RCBTB2: variants seen among roughly 807,000 people sequenced by gnomAD.
The protein encoded by RCBTB2 is RCC1 and BTB domain containing protein 2.
A neutral mutation model predicts 65.4 loss-of-function variants in RCBTB2; 55 were observed. That is an observed-to-expected ratio of 0.84 (90% CI 0.68 to 1.05). The LOEUF is 1.05. Among genes scored for constraint, RCBTB2 ranks in the 50% least tolerant of loss-of-function variants. The probability of loss-of-function intolerance (pLI) is 0.00; values close to 1 mark genes in which losing one functional copy is unlikely to be tolerated. For missense variants in RCBTB2, 599 were observed against 680.1 expected, an observed-to-expected ratio of 0.88 and a Z score of 1.33; for synonymous variants, 220 against 255.2, an observed-to-expected ratio of 0.86 and a Z score of 1.31.
At chr13:48,493,675 C>T (rs1198789508) in intron 14 of RCBTB2, among the ~76,000 whole-genome samples, 1 of 152,028 alleles carries the variant, frequency 6.6e-6, no homozygotes, top group Non-Finnish European at 1.5e-5. Flanking sequence ...CTTGAGTCAC[C>T]TGCTCACTGA....
intron 12 of RCBTB2, among the ~76,000 whole-genome samples, chr13:48,500,116 T>C (rs1048641412): frequency 1.3e-5 from 2 of 152,226 alleles, no homozygotes; most frequent in Non-Finnish European, 2.9e-5. Context: ...GGTTGAATGA[T>C]GTCCTCTAAA....
At chr13:48,508,896 A>G (rs1286961423) in intron 10 of RCBTB2, among the ~76,000 whole-genome samples, 1 of 152,166 alleles carries the variant, frequency 6.6e-6, no homozygotes, top group Non-Finnish European at 1.5e-5. Flanking sequence ...TGAGAACCTG[A>G]ATCAGAAGCC....
At chr13:48,526,937 G>T (rs561607924) in intron 1 of RCBTB2, among the ~76,000 whole-genome samples, 1 of 152,048 alleles carries the variant, frequency 6.6e-6, no homozygotes, top group South Asian at 2.1e-4. Flanking sequence ...ATAATAAATA[G>T]ATTTTTTTTA....
chr13:48,518,841 C>T (rs943076086), intron 4 of RCBTB2, among the ~76,000 whole-genome samples: 4 of 152,124 alleles, frequency 2.6e-5, no homozygotes, highest in African/African-American at 4.8e-5. Flanking sequence ...AATTACCCCA[C>T]CACCCAATAT....
At position 48,501,725 on chromosome 13, in the gene RCBTB2, A is replaced by T; in HGVS notation, c.1244+17T>A. Reference sequence around the variant, plus strand: ...AACGAATTACTTTTCTCAATTCTCAAATAAATGATTCCTTACCGAATCTTG... The same window carrying T: ...AACGAATTACTTTTCTCAATTCTCATATAAATGATTCCTTACCGAATCTTG... On this transcript the variant is annotated intron_variant, in intron 12 of 14. Transcript: ENST00000344532. 1 of 1,601,686 alleles carries T rather than the reference A, an allele frequency of 6.2e-7. No homozygotes were observed. The highest frequency in any genetic ancestry group is 1.7e-5 in the Admixed American group (1 of 59,208).
At chr13:48,491,743 T>C (rs1227751411) in intron 14 of RCBTB2, 1 of 152,108 alleles carries the variant, frequency 6.6e-6, no homozygotes. Flanking sequence ...AATTGCTAAT[T>C]AATGGGAGAA....
intron 9 of RCBTB2, 133 bp downstream of exon 9, chr13:48,511,637 A>C (rs879824398): frequency 5.4e-5 from 40 of 740,020 alleles, no homozygotes; most frequent in Non-Finnish European, 7.5e-5. Flanking sequence ...AAAGAGACTT[A>C]ACCTTTACTT....
intron 1 of RCBTB2, 26 bp downstream of exon 1, chr13:48,533,002 C>T (rs1177958641): frequency 6.6e-6 from 3 of 455,504 alleles, no homozygotes; most frequent in East Asian, 7.0e-5. Flanking sequence ...CCCTCGGCCT[C>T]CCACACCACT....
chr13:48,521,883 T>G lies in RCBTB2; in HGVS notation c.42+15A>C, dbSNP rs377216181. The G allele has an allele frequency of 6.2e-7, 1 of 1,612,986 alleles. No homozygotes were observed. Among genetic ancestry groups the G allele is most frequent in the African/African-American group, 1.3e-5 (1 of 74,896 alleles). On this transcript the variant is annotated intron_variant, in intron 4 of 14. Coordinates refer to ENST00000344532, the MANE Select transcript of RCBTB2 (RefSeq NM_001268.4). ...ACAGAACACACATGCTCCAAGGGCA[T>G]GATTTTTTTCTAACCTTGCCACTGT...
chr13:48,524,438 C>T (rs1951596998), intron 2 of RCBTB2, among the ~76,000 whole-genome samples: 1 of 152,200 alleles, frequency 6.6e-6, no homozygotes, highest in Admixed American at 6.5e-5. Context: ...ACAGGTTAAT[C>T]ATTGCCTCCA....
At chr13:48,495,800 A>G (rs1949941281) in intron 14 of RCBTB2, among the ~76,000 whole-genome samples, 2 of 152,176 alleles carry the variant, frequency 1.3e-5, no homozygotes, top group African/African-American at 4.8e-5. Flanking sequence ...CTATTTATAG[A>G]GCCATTTGTT....
chr13:48,495,398 G>A (rs1487309900), intron 14 of RCBTB2, among the ~76,000 whole-genome samples: 1 of 131,598 alleles, frequency 7.6e-6, no homozygotes, highest in Non-Finnish European at 1.5e-5. Flanking sequence ...AATAAAAATA[G>A]GATAAGTTTT....
intron 13 of RCBTB2, among the ~76,000 whole-genome samples, chr13:48,499,142 ACTCTCTCTCTCT>A (rs568053175): frequency 3.5e-4 from 46 of 132,290 alleles, no homozygotes; most frequent in East Asian, 2.2e-4. Context: ...ACACACACAC[ACTCTCTCTCTCT>A]CTCTCTCTCT....
chr13:48,534,310 C>T (rs2138694338), upstream of RCBTB2, among the ~76,000 whole-genome samples: 1 of 152,290 alleles, frequency 6.6e-6, no homozygotes, highest in East Asian at 1.9e-4. Context: ...AAGCTCACTT[C>T]AGTGATGATA....
In RCBTB2 at chr13:48,490,057, C is replaced by T; in HGVS notation, c.*54G>A. On this transcript the variant is annotated 3_prime_UTR_variant, in exon 15 of 15. Transcript: ENST00000344532. ...TATTAATTAAAGAGAAGTGATTCAT[C>T]TCTGGCTTTTGCAGGGGAAATGGAA... 1.9e-6 allele frequency: 3 copies of T among 1,593,638 alleles called. No homozygotes were observed. Among genetic ancestry groups the T allele is most frequent in the South Asian group, 2.2e-5 (2 of 90,454 alleles).
Position 48,489,937 on chromosome 13 carries a change from C to T in RCBTB2, c.*174G>A. ...TGATCAGAACATTCAATGCTTTCTA[C>T]ATAAACTCTGGGTTTAGGCAGACAA... On this transcript the variant is annotated 3_prime_UTR_variant, in exon 15 of 15. Coordinates refer to ENST00000344532, the MANE Select transcript of RCBTB2 (RefSeq NM_001268.4). 1 of 682,558 alleles carries T rather than the reference C, an allele frequency of 1.5e-6. No individual in the cohort carries two copies. The highest frequency in any genetic ancestry group is 2.8e-5 in the Admixed American group (1 of 35,398). The allele number at this position is 682,558 out of a possible 1,614,324, so 42.3% of individuals were successfully genotyped here. A position where few individuals can be genotyped will look rare whatever the true frequency, so the allele number is the denominator to read the frequency against.
intron 1 of RCBTB2, among the ~76,000 whole-genome samples, chr13:48,528,110 G>A (rs1300205164): frequency 6.6e-6 from 1 of 152,174 alleles, no homozygotes; most frequent in Non-Finnish European, 1.5e-5. Context: ...AGTAGGCACT[G>A]AATTGAAAGC....
At chr13:48,500,373 T>C (rs973396296) in intron 12 of RCBTB2, among the ~76,000 whole-genome samples, 1 of 151,912 alleles carries the variant, frequency 6.6e-6, no homozygotes, top group Admixed American at 6.6e-5. Flanking sequence ...GCCTGGCCAA[T>C]ATGGTGAAAC....
intron 4 of RCBTB2, among the ~76,000 whole-genome samples, chr13:48,521,013 A>G (rs909858740): frequency 2.0e-5 from 3 of 152,136 alleles, no homozygotes; most frequent in Non-Finnish European, 4.4e-5. Context: ...TATATGTTCA[A>G]TCACTATGTA....
Sources: allele counts gnomAD v4.1 joint callset (sites outside exome capture counted in the v4.1 genomes callset), GRCh38; gene constraint gnomAD v4.1.1; transcripts MANE v1.5; gene names NCBI Gene and HGNC (gene_info 2026-07-23, HGNC 2026-07-21).